Variants in NFE2L2 observed in about 807,000 individuals in gnomAD.
NFE2L2 encodes the protein nuclear factor erythroid 2-related factor 2.
In NFE2L2, 20 loss-of-function variants were observed where a neutral mutation model predicts 49.6. The observed-to-expected ratio is 0.40, with a 90% CI of 0.28 to 0.59. The LOEUF is 0.59. Among genes scored for constraint, NFE2L2 ranks in the 20% least tolerant of loss-of-function variants. The pLI is 0.40. For missense variants in NFE2L2, 578 were observed against 714.2 expected (o/e 0.81, Z 2.17); for synonymous variants, 244 against 256.5 (o/e 0.95, Z 0.47).
At chr2:177,251,754 C>T (rs1412750525) in intron 1 of NFE2L2, among the ~76,000 whole-genome samples, 1 of 152,080 alleles carries the variant, frequency 6.6e-6, no homozygotes, top group Non-Finnish European at 1.5e-5. Context: ...GCCTGTAATC[C>T]CAGCACTTTG....
rs1689549804 is a variant in NFE2L2, at chr2:177,231,542, A to ACTCC, written c.1060_1061insGGAG (p.Val354GlyfsTer23). The ACTCC allele has an allele frequency of 6.2e-7, 1 of 1,614,114 alleles. No individual in the cohort carries two copies. Among genetic ancestry groups the ACTCC allele is most frequent in the Non-Finnish European group, 8.5e-7 (1 of 1,180,042 alleles). On this transcript the variant is annotated frameshift_variant, in exon 5 of 5. Transcript: ENST00000397062. LOFTEE classifies it high-confidence loss of function. The stretch of plus-strand genomic sequence containing the variant: ...TTCCACTGAGTGTTCTGGTGATGCC[A>ACTCC]CACTGGGACTTGTGTTTAGTGAAAT...
At chr2:177,238,367 T>C (rs191597251) in intron 1 of NFE2L2, among the ~76,000 whole-genome samples, 2 of 152,358 alleles carry the variant, frequency 1.3e-5, no homozygotes, top group Admixed American at 6.5e-5. Context: ...TAATTGTCAG[T>C]GTCAATCATG....
rs1334021790 is a variant in NFE2L2, at chr2:177,242,134, G to T, written c.46-7863C>A. Among the ~76,000 whole-genome samples, 4 of 152,156 alleles carry T rather than the reference G, an allele frequency of 2.6e-5. No homozygotes were observed. In the East Asian group the frequency reaches 7.7e-4, roughly 29 times the overall value. ...CCAGTACTTTTGGTTTTATTAGACT[G>T]ATTTGCTATCTTGATTGTGTTGCTA... On this transcript the variant is annotated intron_variant, in intron 1 of 4. Transcript: ENST00000397062.
In NFE2L2 at chr2:177,231,202, T is replaced by G; in HGVS notation, c.1401A>C (p.Pro467=). ...DELRAKALHI[P]FPVEKIINLP... is the part of the protein sequence containing the mutation. Reference sequence around the variant, plus strand: ...GGTTAATGATTTTTTCTACAGGGAATGGGATATGGAGAGCTTTTGCCCTAA... The same window carrying G: ...GGTTAATGATTTTTTCTACAGGGAAGGGGATATGGAGAGCTTTTGCCCTAA... Residue 467 remains proline (P), a synonymous_variant, in exon 5 of 5, where the codon CCA becomes CCC. Coordinates refer to ENST00000397062, the MANE Select transcript of NFE2L2 (RefSeq NM_006164.5). 3 of 1,614,168 alleles carry G rather than the reference T, an allele frequency of 1.9e-6. No homozygotes were observed. The highest frequency in any genetic ancestry group is 2.5e-6 in the Non-Finnish European group (3 of 1,180,016).
At position 177,237,443 on chromosome 2, in the gene NFE2L2, G is replaced by C. The variant is rs111241652; in HGVS notation, c.46-3172C>G. ...TAATTTCTATTTTAAAAAATGATTT[G>C]TTTCCATTCTGATGGACATGTTTAC... On this transcript the variant is annotated intron_variant, in intron 1 of 4. Transcript: ENST00000397062. 6.6e-5 allele frequency among the ~76,000 whole-genome samples: 10 copies of C among 152,320 alleles called. No individual in the cohort carries two copies. In the East Asian group the frequency reaches 1.5e-3, roughly 23 times the overall value.
chr2:177,233,582 C>T lies in NFE2L2; in HGVS notation c.313-243G>A, dbSNP rs7604306. The T allele has an allele frequency of 7.6e-4, 403 of 527,404 alleles. 2 individuals are homozygous for T. Among genetic ancestry groups the T allele is most frequent in the African/African-American group, 5.0e-3 (252 of 50,498 alleles). The allele number at this position is 527,404 out of a possible 1,614,324, so 32.7% of individuals were successfully genotyped here. A position where few individuals can be genotyped will look rare whatever the true frequency, so the allele number is the denominator to read the frequency against. ...ACCTTTGTGAGCTTCAGTTGCTCAT[C>T]GTAGATAAAACAGGGATAATGGTAA... On this transcript the variant is annotated intron_variant, in intron 2 of 4. Transcript: ENST00000397062.
At chr2:177,233,857 C>A in intron 2 of NFE2L2, 148 bp downstream of exon 2, 1 of 1,005,770 alleles carries the variant, frequency 9.9e-7, no homozygotes, top group South Asian at 1.7e-5. Context: ...AGGTACTGAA[C>A]TCATCAGGAG....
intron 1 of NFE2L2, among the ~76,000 whole-genome samples, chr2:177,237,222 G>C (rs79628357): frequency 1.3e-5 from 2 of 152,164 alleles, no homozygotes; most frequent in African/African-American, 2.4e-5. Flanking sequence ...ACCAGAGGCT[G>C]CATGGGCCGA....
chr2:177,264,008 G>A (rs1690843479), intron 1 of NFE2L2: 1 of 958,144 alleles, frequency 1.0e-6, no homozygotes, highest in Non-Finnish European at 1.2e-6. Flanking sequence ...GAGGTCTTGG[G>A]GCGCGGCGAA....
At chr2:177,254,625 C>T (rs930504820) in intron 1 of NFE2L2, among the ~76,000 whole-genome samples, 1 of 152,182 alleles carries the variant, frequency 6.6e-6, no homozygotes, top group Non-Finnish European at 1.5e-5. Flanking sequence ...GCGTCAACAG[C>T]GCCCCCACTG....
intron 1 of NFE2L2, among the ~76,000 whole-genome samples, chr2:177,264,166 C>T (rs567981619): frequency 2.6e-5 from 4 of 152,024 alleles, no homozygotes; most frequent in Non-Finnish European, 5.9e-5. Flanking sequence ...GCGTCCGCCC[C>T]CTCTTGCCCC....
At position 177,231,313 on chromosome 2, in the gene NFE2L2, C is replaced by T; in HGVS notation, c.1290G>A (p.Leu430=). 1 of 1,614,252 alleles carries T rather than the reference C, an allele frequency of 6.2e-7. No individual in the cohort carries two copies. Among genetic ancestry groups the T allele is most frequent in the Non-Finnish European group, 8.5e-7 (1 of 1,180,046 alleles). Residue 430 remains leucine (L), a synonymous_variant, in exon 5 of 5, where the codon TTG becomes TTA. Coordinates refer to ENST00000397062, the MANE Select transcript of NFE2L2 (RefSeq NM_006164.5). The stretch of plus-strand genomic sequence containing the variant: ...TTTTCCGATGACCAGGACTTACAGG[C>T]AATTCTTTCTCTGGTGTGTTCTCAC... ...AQCENTPEKE[L]PVSPGHRKTP...
intron 1 of NFE2L2, among the ~76,000 whole-genome samples, chr2:177,235,151 T>C (rs1344314645): frequency 1.3e-5 from 2 of 149,022 alleles, no homozygotes; most frequent in African/African-American, 5.0e-5. Context: ...CAGGGACAGG[T>C]GCGGTGGCTC....
chr2:177,234,579 A>C (rs1328147534), intron 1 of NFE2L2, among the ~76,000 whole-genome samples: 1 of 152,224 alleles, frequency 6.6e-6, no homozygotes, highest in Admixed American at 6.5e-5. Flanking sequence ...GAATGAGAAG[A>C]AATCCCACCC....
intron 1 of NFE2L2, among the ~76,000 whole-genome samples, chr2:177,257,988 CCTGACTG>C (rs1553491594): frequency 6.6e-6 from 1 of 152,222 alleles, no homozygotes; most frequent in Non-Finnish European, 1.5e-5. Context: ...GGCTCTCAAA[CCTGACTG>C]CTCGTTAGAA....
chr2:177,264,536 T>A lies in NFE2L2; in HGVS notation c.41A>T (p.Gln14Leu). 6.6e-7 allele frequency: 1 copy of A among 1,524,164 alleles called. No individual in the cohort carries two copies. The highest frequency in any genetic ancestry group is 8.8e-7 in the Non-Finnish European group (1 of 1,134,788). The allele number at this position is 1,524,164 out of a possible 1,614,324, so 94.4% of individuals were successfully genotyped here. Residue 14 changes from glutamine (Q) to leucine (L), a missense_variant, in exon 1 of 5, where the codon CAG (glutamine) becomes CTG (leucine). By Grantham distance (113) the Gln-to-Leu change is moderately radical. Coordinates refer to ENST00000397062, the MANE Select transcript of NFE2L2 (RefSeq NM_006164.5). ...CCCAGAGGGCCGAGGCAGCACCTGCTGGGACGGGAGTCCCGGCGGCGGCAG... is the reference window on the plus strand; with the variant it reads ...CCCAGAGGGCCGAGGCAGCACCTGCAGGGACGGGAGTCCCGGCGGCGGCAG... Reference protein sequence around the residue: ...LELPPPGLPSQQDMDLIDILW... With the variant: ...LELPPPGLPSLQDMDLIDILW...
At chr2:177,252,432 T>A (rs1180899551) in intron 1 of NFE2L2, among the ~76,000 whole-genome samples, 2 of 152,122 alleles carry the variant, frequency 1.3e-5, no homozygotes, top group Non-Finnish European at 2.9e-5. Flanking sequence ...AGAGAGGAAA[T>A]TGTTTTTTCT....
chr2:177,264,378 GGCGCAAGCGCGGCGGCTCTACCCA>G, intron 1 of NFE2L2, 130 bp downstream of exon 1: 1 of 655,530 alleles, frequency 1.5e-6, no homozygotes, highest in South Asian at 2.5e-5. Context: ...GCCCTGCCCC[GGCGCAAGCGCGGCGGCTCTACCCA>G]GCGCCGCGGT....
chr2:177,230,664 A>G lies in NFE2L2; in HGVS notation c.*121T>C. Reference sequence around the variant, plus strand: ...AAAGTTTCGTATTATTTTCTATACTAGTTTTGGCTATGATTTTGCATAGAA... The same window carrying G: ...AAAGTTTCGTATTATTTTCTATACTGGTTTTGGCTATGATTTTGCATAGAA... On this transcript the variant is annotated 3_prime_UTR_variant, in exon 5 of 5. Coordinates refer to ENST00000397062, the MANE Select transcript of NFE2L2 (RefSeq NM_006164.5). 1 of 1,095,044 alleles carries G rather than the reference A, an allele frequency of 9.1e-7. No individual in the cohort carries two copies. Among genetic ancestry groups the G allele is most frequent in the African/African-American group, 1.6e-5 (1 of 61,496 alleles). The allele number at this position is 1,095,044 out of a possible 1,614,324, so 67.8% of individuals were successfully genotyped here. A position where few individuals can be genotyped will look rare whatever the true frequency, so the allele number is the denominator to read the frequency against.
Sources: allele counts gnomAD v4.1 joint callset (sites outside exome capture counted in the v4.1 genomes callset), GRCh38; gene constraint gnomAD v4.1.1; transcripts MANE v1.5; gene names NCBI Gene and HGNC (gene_info 2026-07-23, HGNC 2026-07-21).